Variants in PPHLN1 observed in about 807,000 individuals in gnomAD.
PPHLN1 encodes periphilin 1.
Under a neutral mutation model 51.3 loss-of-function variants are expected in PPHLN1, and 29 were observed. The observed-to-expected ratio is 0.57, with a 90% CI of 0.42 to 0.77. The LOEUF (loss-of-function observed/expected upper bound fraction) is 0.77, where lower values mean the gene tolerates loss of function less well. Among genes scored for constraint, PPHLN1 ranks in the 30% least tolerant of loss-of-function variants. The pLI is 0.00. For synonymous variants in PPHLN1, 147 were observed against 147.8 expected (o/e 0.99, Z 0.04); for missense variants, 436 against 438.4 (o/e 0.99, Z 0.05).
chr12:42,349,857 T>G (rs1182019976), intron 2 of PPHLN1, among the ~76,000 whole-genome samples: 1 of 152,138 alleles, frequency 6.6e-6, no homozygotes, highest in Non-Finnish European at 1.5e-5. Flanking sequence ...TCCCCACATT[T>G]CCCCCTTTTC....
Position 42,343,828 on chromosome 12 carries a change from GT to G in PPHLN1, c.72+7859del, listed in dbSNP as rs1301316508. On this transcript the variant is annotated intron_variant, in intron 2 of 9. Coordinates refer to ENST00000358314, the MANE Select transcript of PPHLN1 (RefSeq NM_201439.2). The stretch of plus-strand genomic sequence containing the variant: ...GCCTTAGCTCTCTGGGTCGATACCA[GT>G]TTTTATGTTTTTGACACACTGTCAC... 10 of 428,932 alleles carry G rather than the reference GT, an allele frequency of 2.3e-5. No individual in the cohort carries two copies. In the Middle Eastern group the frequency reaches 2.7e-3, roughly 117 times the overall value. The allele number at this position is 428,932 out of a possible 1,614,324, so 26.6% of individuals were successfully genotyped here.
At chr12:42,395,085 G>C (rs1422638520) in intron 8 of PPHLN1, among the ~76,000 whole-genome samples, 1 of 151,872 alleles carries the variant, frequency 6.6e-6, no homozygotes, top group Non-Finnish European at 1.5e-5. Flanking sequence ...TAAATATTCT[G>C]CTTGGGTTCT....
chr12:42,403,403 G>A (rs1383554721), intron 9 of PPHLN1, among the ~76,000 whole-genome samples: 2 of 152,172 alleles, frequency 1.3e-5, no homozygotes, highest in Admixed American at 6.5e-5. Context: ...AAATTTCAAA[G>A]AGTTTGAAAG....
At chr12:42,381,670 A>T (rs554232043) in intron 5 of PPHLN1, among the ~76,000 whole-genome samples, 167 of 152,100 alleles carry the variant, frequency 1.1e-3, no homozygotes, top group Non-Finnish European at 1.4e-3. Context: ...TTTCTAATTC[A>T]TATGTTCTTG....
At chr12:42,417,931 TG>T (rs139755788) in intron 9 of PPHLN1, among the ~76,000 whole-genome samples, 2,596 of 66,436 alleles carry the variant, frequency 0.039, 114 homozygotes, top group East Asian at 0.12. Flanking sequence ...TTTTTTTTTT[TG>T]TTTTTTTTTT....
At chr12:42,347,760 G>A (rs965171514) in intron 2 of PPHLN1, among the ~76,000 whole-genome samples, 7 of 152,118 alleles carry the variant, frequency 4.6e-5, no homozygotes, top group African/African-American at 1.4e-4. Context: ...AGCCTGTGCC[G>A]CAGAGTGAGA....
intron 7 of PPHLN1, among the ~76,000 whole-genome samples, chr12:42,389,528 C>T (rs1314919110): frequency 1.3e-5 from 2 of 152,170 alleles, no homozygotes; most frequent in African/African-American, 4.8e-5. Flanking sequence ...CCACTGCACT[C>T]CAGCCTGGGC....
chr12:42,433,096 A>G (rs1009996806), intron 9 of PPHLN1: 18 of 784,654 alleles, frequency 2.3e-5, no homozygotes, highest in Middle Eastern at 2.3e-4. Flanking sequence ...TTGACAGGCC[A>G]AAGTTGTTCA....
At chr12:42,354,400 G>A (rs950593267) in intron 3 of PPHLN1, among the ~76,000 whole-genome samples, 1 of 151,800 alleles carries the variant, frequency 6.6e-6, no homozygotes, top group African/African-American at 2.4e-5. Flanking sequence ...TGTAGAGATG[G>A]GGTTTCACCA....
At chr12:42,344,742 T>C (rs2072028791) in intron 2 of PPHLN1, among the ~76,000 whole-genome samples, 1 of 147,888 alleles carries the variant, frequency 6.8e-6, no homozygotes, top group Non-Finnish European at 1.5e-5. Flanking sequence ...AGAGTCTTGC[T>C]CTGTTGCCCA....
rs12819656 is a variant in PPHLN1, at chr12:42,417,930, T to G, written c.909+18936T>G. On this transcript the variant is annotated intron_variant, in intron 9 of 9. Transcript: ENST00000358314. ...AAAAAAAAAGCCCTAGTTTTTTTTT[T>G]TGTTTTTTTTTTGTTTTTTTTTTTT... 6.9e-3 allele frequency among the ~76,000 whole-genome samples: 673 copies of G among 97,202 alleles called. 13 individuals carry two copies. Among genetic ancestry groups the G allele is most frequent in the African/African-American group, 0.023 (615 of 26,310 alleles). 63.8% of individuals were successfully genotyped at this position (97,202 alleles called of 152,430 possible). A position where few individuals can be genotyped will look rare whatever the true frequency, so the allele number is the denominator to read the frequency against.
chr12:42,329,528 TTTA>T (rs1195593502), intron 1 of PPHLN1, among the ~76,000 whole-genome samples: 2 of 152,186 alleles, frequency 1.3e-5, no homozygotes, highest in African/African-American at 4.8e-5. Flanking sequence ...ATTCCTGCTT[TTTA>T]TTATTATTAG....
intron 7 of PPHLN1, among the ~76,000 whole-genome samples, chr12:42,388,711 A>T (rs999856962): frequency 3.3e-5 from 5 of 152,176 alleles, no homozygotes; most frequent in Non-Finnish European, 5.9e-5. Flanking sequence ...CCACCCCTTC[A>T]TGAGATGGGA....
chr12:42,425,266 G>A (rs1003909047), intron 9 of PPHLN1, among the ~76,000 whole-genome samples: 4 of 55,682 alleles, frequency 7.2e-5, no homozygotes, highest in Non-Finnish European at 1.5e-4. Context: ...TTTTTTTTTT[G>A]TATTTTTAGT....
Position 42,441,549 on chromosome 12 carries a change from T to TA in PPHLN1, c.*45dup. 6.7e-7 allele frequency: 1 copy of TA among 1,484,748 alleles called. No homozygotes were observed. The highest frequency in any genetic ancestry group is 8.9e-7 in the Non-Finnish European group (1 of 1,119,778). 92.0% of individuals were successfully genotyped at this position (1,484,748 alleles called of 1,614,324 possible). On this transcript the variant is annotated 3_prime_UTR_variant, in exon 10 of 10. Transcript: ENST00000358314. ...GCTAAAAAAAAAAAAAAACAGTTTCTAAAAATTTTTTTTCCTGGATTGTGT... is the reference window on the plus strand; with the variant it reads ...GCTAAAAAAAAAAAAAAACAGTTTCTAAAAAATTTTTTTTCCTGGATTGTGT...
chr12:42,412,190 G>A (rs2079925174), intron 9 of PPHLN1, among the ~76,000 whole-genome samples: 1 of 152,134 alleles, frequency 6.6e-6, no homozygotes, highest in Non-Finnish European at 1.5e-5. Flanking sequence ...GGGCGACAGA[G>A]CGAGACTCTT....
At chr12:42,418,211 C>CTTT (rs60029170) in intron 9 of PPHLN1, among the ~76,000 whole-genome samples, 8,945 of 97,986 alleles carry the variant, frequency 0.091, 804 homozygotes, top group East Asian at 0.11. Flanking sequence ...TCCCGGCCCT[C>CTTT]TTTTTTTTTT....
intron 1 of PPHLN1, among the ~76,000 whole-genome samples, chr12:42,329,348 G>A (rs540163969): frequency 1.4e-4 from 22 of 151,956 alleles, no homozygotes; most frequent in Non-Finnish European, 2.2e-4. Context: ...TTCGTGATCC[G>A]CCCCCCTCGG....
At chr12:42,405,170 T>C (rs2139414500) in intron 9 of PPHLN1, among the ~76,000 whole-genome samples, 1 of 152,374 alleles carries the variant, frequency 6.6e-6, no homozygotes, top group Admixed American at 6.5e-5. Flanking sequence ...AAAAGATTAA[T>C]GTTTCCTCCT....
Sources: allele counts gnomAD v4.1 joint callset (sites outside exome capture counted in the v4.1 genomes callset), GRCh38; gene constraint gnomAD v4.1.1; transcripts MANE v1.5; gene names NCBI Gene and HGNC (gene_info 2026-07-23, HGNC 2026-07-21).